FGGY: variants seen among roughly 807,000 people sequenced by gnomAD.
FGGY encodes the protein FGGY carbohydrate kinase domain-containing protein.
In FGGY, 72 loss-of-function variants were observed where a neutral mutation model predicts 71.3. The observed-to-expected ratio is 1.01, with a 90% CI of 0.84 to 1.23. The LOEUF is 1.23. FGGY is among the 50% of genes most tolerant of loss of function. The pLI is 0.00. For missense variants in FGGY, 668 were observed against 682.3 expected, an observed-to-expected ratio of 0.98 and a Z score of 0.23; for synonymous variants, 251 against 250.3, an observed-to-expected ratio of 1.00 and a Z score of -0.02.
chr1:59,446,184 C>T (rs756737134), intron 5 of FGGY, among the ~76,000 whole-genome samples: 2 of 152,132 alleles, frequency 1.3e-5, no homozygotes, highest in African/African-American at 2.4e-5. Context: ...GATCCAAATC[C>T]GTGAATCCAG....
At chr1:59,683,862 C>T (rs1036989372) in intron 14 of FGGY, among the ~76,000 whole-genome samples, 8 of 152,278 alleles carry the variant, frequency 5.3e-5, no homozygotes, top group African/African-American at 1.9e-4. Context: ...AAGGGGAAGC[C>T]AAATTAATCA....
chr1:59,607,930 A>G lies in FGGY; in HGVS notation c.1011+20A>G, dbSNP rs1335372192. 13 of 1,579,646 alleles carry G rather than the reference A, an allele frequency of 8.2e-6. No individual in the cohort carries two copies. Among genetic ancestry groups the G allele is most frequent in the African/African-American group, 4.0e-5 (3 of 74,244 alleles). ...AAATTGGTAAGTTGACACTTTCTCA[A>G]TAGGGTCATGGATGTTTTTATGTCA... On this transcript the variant is annotated intron_variant, in intron 9 of 15. Coordinates refer to ENST00000303721, the MANE Select transcript of FGGY (RefSeq NM_018291.5).
At chr1:59,439,319 T>G (rs2069224464) in intron 5 of FGGY, among the ~76,000 whole-genome samples, 1 of 152,234 alleles carries the variant, frequency 6.6e-6, no homozygotes, top group Non-Finnish European at 1.5e-5. Context: ...AAACAACTAT[T>G]TTCATGAATT....
At chr1:59,472,334 C>T (rs946970217) in intron 6 of FGGY, among the ~76,000 whole-genome samples, 1 of 152,204 alleles carries the variant, frequency 6.6e-6, no homozygotes, top group African/African-American at 2.4e-5. Flanking sequence ...GGGCAGGGCT[C>T]GGAACCTGCA....
intron 2 of FGGY, among the ~76,000 whole-genome samples, chr1:59,333,912 G>T (rs1244544978): frequency 6.6e-6 from 1 of 152,150 alleles, no homozygotes; most frequent in Non-Finnish European, 1.5e-5. Context: ...GTCACAGATG[G>T]GTCAGCAGCA....
chr1:59,434,493 G>T (rs2068011701), intron 5 of FGGY, among the ~76,000 whole-genome samples: 1 of 152,212 alleles, frequency 6.6e-6, no homozygotes, highest in Non-Finnish European at 1.5e-5. Flanking sequence ...GTAGGGAGGG[G>T]CCCAAGGGAA....
At chr1:59,386,471 A>G (rs2060087008) in intron 5 of FGGY, among the ~76,000 whole-genome samples, 3 of 152,026 alleles carry the variant, frequency 2.0e-5, no homozygotes, top group Admixed American at 1.3e-4. Context: ...ACTTAACACT[A>G]TTGATGTTCA....
intron 7 of FGGY, among the ~76,000 whole-genome samples, chr1:59,518,619 A>G (rs1221425372): frequency 7.9e-5 from 12 of 152,110 alleles, no homozygotes; most frequent in Admixed American, 7.9e-4. Context: ...TGTTCTCATG[A>G]TAGTGCATGA....
intron 2 of FGGY, among the ~76,000 whole-genome samples, chr1:59,324,503 C>G (rs1401219400): frequency 1.3e-5 from 2 of 151,732 alleles, no homozygotes; most frequent in African/African-American, 4.8e-5. Context: ...GTCTCGATCT[C>G]CTGACCTCGT....
rs867862903 is a variant in FGGY at position 59,762,642 on chromosome 1, C to T, written c.*58C>T. 48 of 964,094 alleles carry T rather than the reference C, an allele frequency of 5.0e-5. 1 individual carries two copies. The Middle Eastern group carries it at 7.3e-3, about 147-fold the overall frequency. The allele number at this position is 964,094 out of a possible 1,614,324, so 59.7% of individuals were successfully genotyped here. Reference sequence around the variant, plus strand: ...CTGTGCCATTGCATTAAAGACTTGTCATTTGATCCATGTTCAAGACCCTTG... The same window carrying T: ...CTGTGCCATTGCATTAAAGACTTGTTATTTGATCCATGTTCAAGACCCTTG... On this transcript the variant is annotated 3_prime_UTR_variant, in exon 16 of 16. Transcript: ENST00000303721.
At chr1:59,308,737 A>G (rs1286810854) in intron 1 of FGGY, among the ~76,000 whole-genome samples, 1 of 152,200 alleles carries the variant, frequency 6.6e-6, no homozygotes, top group Admixed American at 6.5e-5. Context: ...TGGCCCTGTT[A>G]AAATTTGAGA....
intron 6 of FGGY, among the ~76,000 whole-genome samples, chr1:59,489,279 A>G (rs912908480): frequency 6.6e-6 from 1 of 152,124 alleles, no homozygotes; most frequent in Non-Finnish European, 1.5e-5. Context: ...ATTGTTAACT[A>G]TAGTTATTCT....
intron 4 of FGGY, among the ~76,000 whole-genome samples, chr1:59,363,620 C>T (rs997076237): frequency 6.6e-6 from 1 of 152,148 alleles, no homozygotes; most frequent in Non-Finnish European, 1.5e-5. Context: ...TAGTGAGGCC[C>T]TCTACATAGA....
intron 1 of FGGY, among the ~76,000 whole-genome samples, chr1:59,297,867 A>G (rs2042197344): frequency 6.6e-6 from 1 of 151,982 alleles, no homozygotes; most frequent in South Asian, 2.1e-4. Flanking sequence ...TTCCCTCATC[A>G]TGGGCTGTTT....
At chr1:59,481,576 TA>T (rs1303178363) in intron 6 of FGGY, among the ~76,000 whole-genome samples, 15 of 152,180 alleles carry the variant, frequency 9.9e-5, no homozygotes, top group Non-Finnish European at 2.1e-4. Context: ...ATCTGTTTTG[TA>T]AAAATGAATC....
intron 1 of FGGY, among the ~76,000 whole-genome samples, chr1:59,298,176 T>G (rs2042248154): frequency 6.6e-6 from 1 of 152,248 alleles, no homozygotes; most frequent in Non-Finnish European, 1.5e-5. Context: ...TTAACTTGCT[T>G]GCTGGATTTT....
At chr1:59,698,437 C>G (rs1401427310) in intron 14 of FGGY, among the ~76,000 whole-genome samples, 18 of 152,100 alleles carry the variant, frequency 1.2e-4, no homozygotes, top group Admixed American at 1.2e-3. Flanking sequence ...TCACACTCCC[C>G]TCCAACCCCC....
intron 5 of FGGY, among the ~76,000 whole-genome samples, chr1:59,408,113 C>T (rs769380005): frequency 6.6e-6 from 1 of 152,158 alleles, no homozygotes; most frequent in Non-Finnish European, 1.5e-5. Flanking sequence ...GAGAAAAACT[C>T]GAATTCTGGG....
At chr1:59,666,928 A>T (rs1279978252) in intron 12 of FGGY, among the ~76,000 whole-genome samples, 1 of 152,258 alleles carries the variant, frequency 6.6e-6, no homozygotes, top group Non-Finnish European at 1.5e-5. Flanking sequence ...ATCACTGCTA[A>T]TACAGGGCCT....
Sources: allele counts gnomAD v4.1 joint callset (sites outside exome capture counted in the v4.1 genomes callset), GRCh38; gene constraint gnomAD v4.1.1; transcripts MANE v1.5; gene names NCBI Gene and HGNC (gene_info 2026-07-23, HGNC 2026-07-21).